Variants in FBLN2 observed in about 807,000 individuals in gnomAD.
FBLN2 encodes fibulin-2.
FBLN2 carries 81 observed loss-of-function variants against 123.7 expected under a neutral mutation model. The ratio of observed to expected loss-of-function variants is 0.65; its 90% confidence interval spans 0.55 to 0.79. FBLN2 has a LOEUF of 0.79. Ranked by LOEUF, FBLN2 falls within the 30% of genes least tolerant of loss-of-function variation. The pLI is 0.00. For missense variants in FBLN2, 1,603 were observed against 1,681.3 expected, an observed-to-expected ratio of 0.95 and a Z score of 0.81; for synonymous variants, 699 against 701.4, an observed-to-expected ratio of 1.00 and a Z score of 0.05.
Position 13,624,525 on chromosome 3 carries a change from C to G in FBLN2, c.2297-1920C>G, listed in dbSNP as rs542326294. On this transcript the variant is annotated intron_variant, in intron 9 of 17. Coordinates refer to ENST00000404922, the MANE Select transcript of FBLN2 (RefSeq NM_001004019.2). ...CCTCCTCCCCATTCCCAGCCATCCC[C>G]GGGTCTGCCTGGCCTGGACACTGTT... Among the ~76,000 whole-genome samples, 792 of 152,342 alleles carry G rather than the reference C, an allele frequency of 5.2e-3. 8 individuals carry two copies. Among genetic ancestry groups the G allele is most frequent in the African/African-American group, 0.018 (752 of 41,576 alleles).
chr3:13,630,900 A>G (rs41284003), intron 15 of FBLN2, 85 bp downstream of exon 15: 33,280 of 1,012,760 alleles, frequency 0.033, 638 homozygotes, highest in Middle Eastern at 0.1. Flanking sequence ...CTGCTGGGCC[A>G]TGGACACAGA....
At chr3:13,578,610 C>A (rs559380766) in intron 2 of FBLN2, among the ~76,000 whole-genome samples, 52 of 152,330 alleles carry the variant, frequency 3.4e-4, no homozygotes, top group African/African-American at 1.3e-3. Context: ...GGACATTATT[C>A]TTCCAGCTTT....
intron 5 of FBLN2, among the ~76,000 whole-genome samples, chr3:13,616,156 G>T (rs1705596436): frequency 1.3e-5 from 2 of 152,206 alleles, no homozygotes; most frequent in Non-Finnish European, 1.5e-5. Flanking sequence ...TGGGTACAGA[G>T]AGTAAGTCCA....
chr3:13,583,223 T>C (rs1390971887), intron 2 of FBLN2, among the ~76,000 whole-genome samples: 1 of 152,268 alleles, frequency 6.6e-6, no homozygotes, highest in Non-Finnish European at 1.5e-5. Flanking sequence ...TCACCCTGCA[T>C]CAGTGGAGCA....
At chr3:13,587,158 A>T (rs12636610) in intron 2 of FBLN2, among the ~76,000 whole-genome samples, 23,079 of 148,444 alleles carry the variant, frequency 0.16, 1,945 homozygotes, top group African/African-American at 0.22. Flanking sequence ...AAAAAAAAAA[A>T]AAATAAATAA....
At chr3:13,603,040 A>G (rs1217472755) in intron 2 of FBLN2, among the ~76,000 whole-genome samples, 1 of 151,224 alleles carries the variant, frequency 6.6e-6, no homozygotes, top group Non-Finnish European at 1.5e-5. Flanking sequence ...CCTCCCAAGT[A>G]GCTGGGATTA....
At chr3:13,614,887 A>C (rs1705539387) in intron 5 of FBLN2, among the ~76,000 whole-genome samples, 1 of 134,244 alleles carries the variant, frequency 7.4e-6, no homozygotes, top group Non-Finnish European at 1.6e-5. Context: ...CATCTGTCTG[A>C]TCATCTATTC....
intron 2 of FBLN2, among the ~76,000 whole-genome samples, chr3:13,579,405 T>C (rs1210088359): frequency 2.6e-5 from 4 of 152,222 alleles, no homozygotes; most frequent in East Asian, 1.9e-4. Flanking sequence ...CCTAATGTTA[T>C]GACAAACATA....
chr3:13,589,477 A>G (rs1366609334), intron 2 of FBLN2, among the ~76,000 whole-genome samples: 2 of 152,158 alleles, frequency 1.3e-5, no homozygotes, highest in Non-Finnish European at 2.9e-5. Context: ...CCAGGGTTCC[A>G]CCTGGAACCC....
At chr3:13,627,711 C>T (rs1706096550) in intron 10 of FBLN2, 121 bp from the exon 11 acceptor site, 1 of 1,298,370 alleles carries the variant, frequency 7.7e-7, no homozygotes, top group African/African-American at 1.5e-5. Flanking sequence ...GCCAGCTTCC[C>T]AGGGAGATCT....
intron 2 of FBLN2, among the ~76,000 whole-genome samples, chr3:13,574,228 G>T (rs1024727762): frequency 3.9e-5 from 6 of 152,148 alleles, no homozygotes; most frequent in African/African-American, 1.4e-4. Flanking sequence ...ACCTGCGTGT[G>T]TGAGGCCCTG....
chr3:13,597,502 G>T (rs1704884795), intron 2 of FBLN2, among the ~76,000 whole-genome samples: 1 of 152,192 alleles, frequency 6.6e-6, no homozygotes, highest in African/African-American at 2.4e-5. Flanking sequence ...CACATGAAAG[G>T]CTGTGTGCAG....
intron 2 of FBLN2, among the ~76,000 whole-genome samples, chr3:13,573,909 A>C (rs988908038): frequency 1.3e-5 from 2 of 151,656 alleles, no homozygotes; most frequent in Non-Finnish European, 2.9e-5. Flanking sequence ...AAAAAAAAAA[A>C]AAAAAAAGGG....
At chr3:13,604,272 C>T (rs995468946) in intron 2 of FBLN2, among the ~76,000 whole-genome samples, 5 of 152,006 alleles carry the variant, frequency 3.3e-5, no homozygotes, top group African/African-American at 1.2e-4. Context: ...CTTTTGTTAC[C>T]CTTGCTTTTG....
At chr3:13,601,155 C>T (rs576086728) in intron 2 of FBLN2, among the ~76,000 whole-genome samples, 2 of 152,308 alleles carry the variant, frequency 1.3e-5, no homozygotes, top group South Asian at 2.1e-4. Flanking sequence ...TGGTTGCTAG[C>T]GCTGCTATAT....
At chr3:13,622,929 G>A (rs557855778) in intron 9 of FBLN2, among the ~76,000 whole-genome samples, 55 of 152,354 alleles carry the variant, frequency 3.6e-4, no homozygotes, top group African/African-American at 1.1e-3. Flanking sequence ...GGCATGCAGC[G>A]TAGAAGGAAC....
rs1703942664 is a variant in FBLN2, at chr3:13,571,317, A to C, written c.962A>C (p.Glu321Ala). The change falls in exon 2 of 18, where the codon GAG (glutamate) becomes GCG (alanine). Residue 321 changes from glutamate to alanine, a missense_variant. Glu to Ala is a moderately radical substitution (Grantham distance 107). Transcript: ENST00000404922. ...APAGPSLPIQ[E>A]ERAEAGARAE... is the part of the protein sequence containing the mutation. ...GCTGGACCCAGTCTTCCTATCCAGGAGGAGAGGGCAGAAGCTGGGGCAAGG... is the reference window on the plus strand; with the variant it reads ...GCTGGACCCAGTCTTCCTATCCAGGCGGAGAGGGCAGAAGCTGGGGCAAGG... 1 of 1,600,614 alleles carries C rather than the reference A, an allele frequency of 6.2e-7. No individual in the cohort carries two copies. The highest frequency in any genetic ancestry group is 8.5e-7 in the Non-Finnish European group (1 of 1,174,158).
At chr3:13,636,643 AT>A in intron 17 of FBLN2, 75 bp downstream of exon 17, 1 of 1,524,816 alleles carries the variant, frequency 6.6e-7, no homozygotes, top group Non-Finnish European at 8.9e-7. Context: ...AGGCTGAGAG[AT>A]GGGCGCCTGC....
intron 2 of FBLN2, among the ~76,000 whole-genome samples, chr3:13,588,268 A>G (rs1704569555): frequency 6.6e-6 from 1 of 152,228 alleles, no homozygotes. Context: ...GCAAGGCTAT[A>G]TCATGCAGCC....
Sources: allele counts gnomAD v4.1 joint callset (sites outside exome capture counted in the v4.1 genomes callset), GRCh38; gene constraint gnomAD v4.1.1; transcripts MANE v1.5; gene names NCBI Gene and HGNC (gene_info 2026-07-23, HGNC 2026-07-21).